PRKCA: variants seen among roughly 807,000 people sequenced by gnomAD.
PRKCA encodes the protein protein kinase C alpha type.
PRKCA carries 27 observed loss-of-function variants against 87.0 expected under a neutral mutation model. That is an observed-to-expected ratio of 0.31 (90% confidence interval 0.23 to 0.43). The LOEUF (loss-of-function observed/expected upper bound fraction) is 0.43, where lower values mean the gene tolerates loss of function less well. PRKCA is among the 20% of genes least tolerant of loss of function. PRKCA has a pLI of 1.00. For synonymous variants in PRKCA, 329 were observed against 311.1 expected, an observed-to-expected ratio of 1.06 and a Z score of -0.61; for missense variants, 518 against 852.3, an observed-to-expected ratio of 0.61 and a Z score of 4.88.
At chr17:66,400,056 C>A (rs866150703) in intron 2 of PRKCA, among the ~76,000 whole-genome samples, 1 of 152,140 alleles carries the variant, frequency 6.6e-6, no homozygotes, top group Non-Finnish European at 1.5e-5. Context: ...TAGGGATCTT[C>A]AACATCATTC....
At chr17:66,492,593 G>A (rs1375225800) in intron 2 of PRKCA, among the ~76,000 whole-genome samples, 1 of 152,192 alleles carries the variant, frequency 6.6e-6, no homozygotes, top group East Asian at 1.9e-4. Flanking sequence ...CACTACATCT[G>A]TAATAAACCG....
chr17:66,662,045 C>T (rs1249386955), intron 5 of PRKCA, among the ~76,000 whole-genome samples: 1 of 152,236 alleles, frequency 6.6e-6, no homozygotes, highest in Non-Finnish European at 1.5e-5. Flanking sequence ...CCTCCAGGTT[C>T]TTAGCCTCTG....
chr17:66,337,480 C>T (rs972859071), intron 2 of PRKCA, among the ~76,000 whole-genome samples: 2 of 152,114 alleles, frequency 1.3e-5, no homozygotes, highest in Non-Finnish European at 2.9e-5. Flanking sequence ...GCCTCGACCT[C>T]TCAGGCTCAA....
intron 3 of PRKCA, among the ~76,000 whole-genome samples, chr17:66,512,461 T>G: frequency 2.1e-5 from 1 of 46,536 alleles, no homozygotes; most frequent in South Asian, 1.1e-3. Flanking sequence ...AAAAAAAGTG[T>G]GTGTGTGTGT....
chr17:66,573,271 A>G (rs143457698), intron 3 of PRKCA, among the ~76,000 whole-genome samples: 146 of 152,340 alleles, frequency 9.6e-4, no homozygotes, highest in African/African-American at 3.3e-3. Context: ...ATGCCTTTTC[A>G]TTGCAAGAGT....
At chr17:66,798,626 ATGG>A (rs1568041339) in intron 16 of PRKCA, among the ~76,000 whole-genome samples, 1 of 2,768 alleles carries the variant, frequency 3.6e-4, no homozygotes. Context: ...GGTGGTGGTG[ATGG>A]TGGTGGTGGT....
At chr17:66,460,840 A>T (rs1598691959) in intron 2 of PRKCA, among the ~76,000 whole-genome samples, 1 of 152,182 alleles carries the variant, frequency 6.6e-6, no homozygotes, top group East Asian at 1.9e-4. Context: ...TCGCAGACAC[A>T]GGTTTATAAA....
intron 3 of PRKCA, among the ~76,000 whole-genome samples, chr17:66,590,805 A>G (rs1474869510): frequency 6.6e-6 from 1 of 152,024 alleles, no homozygotes; most frequent in Non-Finnish European, 1.5e-5. Context: ...AGCCGAGATC[A>G]CGCTACTGCA....
rs1289756906 is a variant in PRKCA at position 66,804,132 on chromosome 17, G to C, written c.*95G>C. 2 of 1,485,894 alleles carry C rather than the reference G, an allele frequency of 1.3e-6. No individual in the cohort carries two copies. The highest frequency in any genetic ancestry group is 9.0e-7 in the Non-Finnish European group (1 of 1,111,240). 92.0% of individuals were successfully genotyped at this position (1,485,894 alleles called of 1,614,324 possible). ...CCTAAAATTTTAAGGCCACGGCCTT[G>C]TGTCTGATTCCATATGGAGGCCTGA... On this transcript the variant is annotated 3_prime_UTR_variant, in exon 17 of 17. Transcript: ENST00000413366.
intron 2 of PRKCA, among the ~76,000 whole-genome samples, chr17:66,383,301 A>G (rs184316012): frequency 6.6e-6 from 1 of 152,130 alleles, no homozygotes; most frequent in Non-Finnish European, 1.5e-5. Context: ...TGCTTTCCAA[A>G]GGCATGGTAC....
chr17:66,633,462 GATTC>G (rs1258089790), intron 3 of PRKCA, among the ~76,000 whole-genome samples: 1 of 152,208 alleles, frequency 6.6e-6, no homozygotes, highest in East Asian at 1.9e-4. Context: ...TTACAAGCAT[GATTC>G]ATGAGAACAC....
At chr17:66,471,338 T>G (rs1915315270) in intron 2 of PRKCA, among the ~76,000 whole-genome samples, 1 of 152,232 alleles carries the variant, frequency 6.6e-6, no homozygotes. Flanking sequence ...CTTGTACTTC[T>G]AAGAGAGCAT....
At position 66,485,674 on chromosome 17, in the gene PRKCA, G is replaced by A. The variant is rs951730148; in HGVS notation, c.206-10527G>A. Among the ~76,000 whole-genome samples the A allele has an allele frequency of 1.8e-4, 28 of 152,010 alleles. 1 individual carries two copies. The highest frequency in any genetic ancestry group is 1.6e-3 in the Admixed American group (25 of 15,268). Reference sequence around the variant, plus strand: ...TGCAGTCTCAGATGTCCATACTGCCGGCAGACCTACATGCTTATAGATGTG... The same window carrying A: ...TGCAGTCTCAGATGTCCATACTGCCAGCAGACCTACATGCTTATAGATGTG... On this transcript the variant is annotated intron_variant, in intron 2 of 16. Transcript: ENST00000413366.
intron 2 of PRKCA, among the ~76,000 whole-genome samples, chr17:66,358,177 A>G (rs1908176210): frequency 6.6e-6 from 1 of 151,990 alleles, no homozygotes; most frequent in Non-Finnish European, 1.5e-5. Flanking sequence ...TTTAAGCCCA[A>G]AAAGTTTATT....
rs143223088 is a variant in PRKCA at position 66,358,510 on chromosome 17, A to G, written c.205+52383A>G. ...GATGGTAATCTATTACACTCTACCC[A>G]TTTCCTTTCTCAAAGATTCAAGCCT... On this transcript the variant is annotated intron_variant, in intron 2 of 16. Transcript: ENST00000413366. Among the ~76,000 whole-genome samples, 540 of 150,422 alleles carry G rather than the reference A, an allele frequency of 3.6e-3. 11 individuals are homozygous for G. Among genetic ancestry groups the G allele is most frequent in the African/African-American group, 0.013 (517 of 39,850 alleles).
At chr17:66,480,829 A>G (rs1291092893) in intron 2 of PRKCA, among the ~76,000 whole-genome samples, 2 of 151,882 alleles carry the variant, frequency 1.3e-5, no homozygotes, top group Non-Finnish European at 2.9e-5. Flanking sequence ...TTAGTAAAAT[A>G]TTTGGAACAG....
intron 16 of PRKCA, among the ~76,000 whole-genome samples, chr17:66,791,379 C>T (rs887742683): frequency 1.3e-5 from 2 of 152,066 alleles, no homozygotes; most frequent in Admixed American, 6.5e-5. Flanking sequence ...AAAACCTGTG[C>T]ACAAAAGAGG....
At chr17:66,729,780 C>CTTTTTTTT (rs60247180) in intron 8 of PRKCA, among the ~76,000 whole-genome samples, 25 of 105,066 alleles carry the variant, frequency 2.4e-4, no homozygotes, top group Non-Finnish European at 3.3e-4. Flanking sequence ...GCGAGTTATT[C>CTTTTTTTT]TTTTTTTTTT....
At chr17:66,433,235 G>C (rs1029853331) in intron 2 of PRKCA, among the ~76,000 whole-genome samples, 12 of 152,284 alleles carry the variant, frequency 7.9e-5, no homozygotes, top group African/African-American at 2.9e-4. Context: ...GTGTGCCCTG[G>C]AGGAAACCCC....
Sources: allele counts gnomAD v4.1 joint callset (sites outside exome capture counted in the v4.1 genomes callset), GRCh38; gene constraint gnomAD v4.1.1; transcripts MANE v1.5; gene names NCBI Gene and HGNC (gene_info 2026-07-23, HGNC 2026-07-21).